The following RNF38 variants were observed in gnomAD, a reference collection of about 807,000 sequenced individuals.
RNF38 encodes ring finger protein 38.
RNF38 carries 15 observed loss-of-function variants against 67.2 expected under a neutral mutation model. That is an observed-to-expected ratio of 0.22 (90% CI 0.15 to 0.34). The LOEUF is 0.34. RNF38 is among the 10% of genes least tolerant of loss of function. RNF38 has a pLI of 1.00. For missense variants in RNF38, 524 were observed against 639.9 expected, an observed-to-expected ratio of 0.82 and a Z score of 1.95; for synonymous variants, 220 against 218.8, an observed-to-expected ratio of 1.01 and a Z score of -0.05.
At chr9:36,366,072 A>G (rs1834934664) in intron 4 of RNF38, among the ~76,000 whole-genome samples, 1 of 152,056 alleles carries the variant, frequency 6.6e-6, no homozygotes, top group Non-Finnish European at 1.5e-5. Context: ...CAGTAGCATA[A>G]ACCCCCATAT....
upstream of RNF38, chr9:36,400,407 C>A: frequency 8.9e-7 from 1 of 1,128,216 alleles, no homozygotes; most frequent in Non-Finnish European, 1.1e-6. Flanking sequence ...GAGCTGAGAC[C>A]GCGCCTCCTC....
chr9:36,400,859 C>G, upstream of RNF38: 1 of 984,812 alleles, frequency 1.0e-6, no homozygotes, highest in Non-Finnish European at 1.2e-6. Context: ...TCGGCCCCGT[C>G]CCGCAACACC....
intron 1 of RNF38, among the ~76,000 whole-genome samples, chr9:36,452,995 T>G (rs1319571966): frequency 6.6e-6 from 1 of 152,192 alleles, no homozygotes; most frequent in Non-Finnish European, 1.5e-5. Flanking sequence ...AGACTTACGT[T>G]TTCAATTACG....
upstream of RNF38, chr9:36,400,906 C>T: frequency 1.1e-5 from 10 of 917,054 alleles, no homozygotes; most frequent in Non-Finnish European, 1.3e-5. Flanking sequence ...CCCTCCCCGC[C>T]CCGCCGCGCC....
chr9:36,459,339 C>T (rs896967395), intron 1 of RNF38, among the ~76,000 whole-genome samples: 1 of 152,130 alleles, frequency 6.6e-6, no homozygotes, highest in African/African-American at 2.4e-5. Context: ...CCTGAAATTA[C>T]TTTATCTCAA....
intron 1 of RNF38, among the ~76,000 whole-genome samples, chr9:36,395,019 T>C (rs1165052399): frequency 1.3e-5 from 2 of 152,252 alleles, no homozygotes; most frequent in Non-Finnish European, 1.5e-5. Flanking sequence ...AAACTTATCA[T>C]GTTTAATGTC....
At position 36,337,885 on chromosome 9, in the gene RNF38, C is replaced by T. The variant is rs1832564026; in HGVS notation, c.*1867G>A. The T allele has an allele frequency of 6.6e-6, 1 of 152,626 alleles. No individual in the cohort carries two copies. Among genetic ancestry groups the T allele is most frequent in the Non-Finnish European group, 1.5e-5 (1 of 68,040 alleles). The allele number at this position is 152,626 out of a possible 1,614,324, so 9.5% of individuals were successfully genotyped here. On this transcript the variant is annotated 3_prime_UTR_variant, in exon 12 of 12. Transcript: ENST00000259605. ...AGTATGCAAAACCCTACTTGTAGGA[C>T]TAGATAGAGGCAACAATGTCTCGCA...
At chr9:36,396,089 C>T (rs1837489018) in intron 1 of RNF38, among the ~76,000 whole-genome samples, 1 of 152,190 alleles carries the variant, frequency 6.6e-6, no homozygotes, top group South Asian at 2.1e-4. Context: ...TGTATAAGCT[C>T]CATGTCCTGT....
chr9:36,480,668 C>T (rs1236471350), intron 1 of RNF38, among the ~76,000 whole-genome samples: 1 of 150,102 alleles, frequency 6.7e-6, no homozygotes, highest in African/African-American at 2.4e-5. Context: ...TCTCGTGCCT[C>T]AGCCTCTCAA....
chr9:36,465,654 A>T (rs1839841545), intron 1 of RNF38, among the ~76,000 whole-genome samples: 1 of 152,210 alleles, frequency 6.6e-6, no homozygotes. Flanking sequence ...CCATAGCAGC[A>T]TTATTCATAA....
intron 2 of RNF38, among the ~76,000 whole-genome samples, chr9:36,423,712 G>A (rs1236127526): frequency 3.9e-5 from 1 of 25,794 alleles, no homozygotes; most frequent in African/African-American, 1.2e-4. Flanking sequence ...CACTTTGGGA[G>A]GCCGAGGCGG....
chr9:36,364,180 G>C (rs1834772895), intron 4 of RNF38, among the ~76,000 whole-genome samples: 1 of 151,924 alleles, frequency 6.6e-6, no homozygotes, highest in Non-Finnish European at 1.5e-5. Context: ...CTCCACCAGA[G>C]ACAGCAAAAC....
intron 1 of RNF38, among the ~76,000 whole-genome samples, chr9:36,397,082 T>TATA (rs34685945): frequency 1.3e-5 from 1 of 78,168 alleles, no homozygotes; most frequent in Non-Finnish European, 2.8e-5. Context: ...TGTGTGTGTG[T>TATA]ATATATATAT....
chr9:36,395,914 T>C (rs962305840), intron 1 of RNF38, among the ~76,000 whole-genome samples: 2 of 152,206 alleles, frequency 1.3e-5, no homozygotes, highest in African/African-American at 4.8e-5. Context: ...GAGAAAATTA[T>C]TTAAATGCTA....
chr9:36,374,332 A>C (rs1453677623), intron 3 of RNF38, among the ~76,000 whole-genome samples: 1 of 152,204 alleles, frequency 6.6e-6, no homozygotes, highest in Non-Finnish European at 1.5e-5. Context: ...GGGTGGCTTA[A>C]ACAGATACTT....
intron 2 of RNF38, among the ~76,000 whole-genome samples, chr9:36,381,076 T>C (rs1436222523): frequency 6.6e-6 from 1 of 152,100 alleles, no homozygotes; most frequent in Admixed American, 6.6e-5. Context: ...TGGAAGTGGG[T>C]TTCTCCCGTG....
intron 1 of RNF38, among the ~76,000 whole-genome samples, chr9:36,456,108 A>C (rs1219326201): frequency 1.3e-5 from 2 of 151,994 alleles, no homozygotes; most frequent in South Asian, 2.1e-4. Context: ...CTCGTCTGCC[A>C]TCCAGGCAGT....
intron 2 of RNF38, among the ~76,000 whole-genome samples, chr9:36,376,499 T>C (rs1835795149): frequency 1.3e-5 from 2 of 152,192 alleles, no homozygotes; most frequent in Admixed American, 6.5e-5. Context: ...CTCCCATCAA[T>C]AAGACATCAA....
At chr9:36,369,410 G>A (rs540899495) in intron 4 of RNF38, among the ~76,000 whole-genome samples, 2 of 152,028 alleles carry the variant, frequency 1.3e-5, no homozygotes, top group Non-Finnish European at 2.9e-5. Flanking sequence ...TAGTAGAGAC[G>A]GGGTTTCACT....
Sources: allele counts gnomAD v4.1 joint callset (sites outside exome capture counted in the v4.1 genomes callset), GRCh38; gene constraint gnomAD v4.1.1; transcripts MANE v1.5; gene names NCBI Gene and HGNC (gene_info 2026-07-23, HGNC 2026-07-21).